The following PLEKHA5 variants were observed in gnomAD, a reference collection of about 807,000 sequenced individuals.
The protein encoded by PLEKHA5 is pleckstrin homology domain containing A5.
PLEKHA5 carries 55 observed loss-of-function variants against 181.9 expected under a neutral mutation model. The ratio of observed to expected loss-of-function variants is 0.30; its 90% CI spans 0.24 to 0.38. The LOEUF (loss-of-function observed/expected upper bound fraction) is 0.38, where lower values mean the gene tolerates loss of function less well. Among genes scored for constraint, PLEKHA5 ranks in the 10% least tolerant of loss-of-function variants. PLEKHA5 has a pLI of 1.00. For synonymous variants in PLEKHA5, 535 were observed against 529.4 expected (o/e 1.01, Z -0.15); for missense variants, 1,432 against 1,549.5 (o/e 0.92, Z 1.27).
intron 15 of PLEKHA5, among the ~76,000 whole-genome samples, chr12:19,309,362 G>GA (rs1182491810): frequency 8.1e-4 from 121 of 148,558 alleles, no homozygotes; most frequent in Middle Eastern, 3.4e-3. Flanking sequence ...CCATCTTAAA[G>GA]AAAAAAAAAA....
intron 15 of PLEKHA5, 71 bp downstream of exon 15, chr12:19,291,768 G>A (rs941097120): frequency 6.5e-6 from 5 of 773,062 alleles, no homozygotes; most frequent in Non-Finnish European, 1.0e-5. Flanking sequence ...AGTTTTTCAG[G>A]CTTCTCAGCT....
At chr12:19,170,329 A>G (rs1432552774) in intron 3 of PLEKHA5, among the ~76,000 whole-genome samples, 2 of 152,112 alleles carry the variant, frequency 1.3e-5, no homozygotes, top group African/African-American at 4.8e-5. Flanking sequence ...TTCCGCAGAT[A>G]TTTTGTGTAT....
intron 3 of PLEKHA5, among the ~76,000 whole-genome samples, chr12:19,240,440 GTT>G (rs199524525): frequency 8.6e-4 from 111 of 129,008 alleles, no homozygotes; most frequent in Middle Eastern, 4.0e-3. Context: ...TCATTAGGGA[GTT>G]TTTTTTTTTT....
At chr12:19,297,806 A>G (rs185303644) in intron 15 of PLEKHA5, among the ~76,000 whole-genome samples, 56 of 150,308 alleles carry the variant, frequency 3.7e-4, no homozygotes, top group African/African-American at 1.2e-3. Flanking sequence ...TTGGAGATCC[A>G]GTAGACTGGG....
At chr12:19,255,208 C>G in intron 5 of PLEKHA5, 43 bp downstream of exon 5, 1 of 1,348,088 alleles carries the variant, frequency 7.4e-7, no homozygotes, top group Non-Finnish European at 1.0e-6. Context: ...AAGGAGTAAA[C>G]AGTATCTATA....
intron 13 of PLEKHA5, among the ~76,000 whole-genome samples, chr12:19,289,487 T>C (rs1362441798): frequency 6.7e-6 from 1 of 148,288 alleles, no homozygotes; most frequent in Non-Finnish European, 1.5e-5. Flanking sequence ...TTTTTAAGAG[T>C]ACATTGCAGC....
At position 19,160,770 on chromosome 12, in the gene PLEKHA5, TA is replaced by T. The variant is rs538634100; in HGVS notation, c.227+28323del. Among the ~76,000 whole-genome samples, 569 of 152,250 alleles carry T rather than the reference TA, an allele frequency of 3.7e-3. 2 individuals carry two copies. Among genetic ancestry groups the T allele is most frequent in the Middle Eastern group, 0.01 (3 of 294 alleles). Reference sequence around the variant, plus strand: ...CTGATGAAACTTTTTTATATAATAATAAACAGTGCTGGGTCAATGTATGTTT... The same window carrying T: ...CTGATGAAACTTTTTTATATAATAATAACAGTGCTGGGTCAATGTATGTTT... On this transcript the variant is annotated intron_variant, in intron 3 of 31. Transcript: ENST00000429027.
intron 3 of PLEKHA5, among the ~76,000 whole-genome samples, chr12:19,244,764 C>T (rs190330566): frequency 7.2e-5 from 11 of 152,074 alleles, no homozygotes; most frequent in East Asian, 1.9e-4. Flanking sequence ...ACATTTTCAA[C>T]GATATTACCA....
chr12:19,306,888 A>G (rs1204915233), intron 15 of PLEKHA5: 2 of 805,708 alleles, frequency 2.5e-6, no homozygotes, highest in South Asian at 1.5e-5. Context: ...GATAAGGCTA[A>G]GGCTTGTCTC....
chr12:19,197,704 G>A (rs917521738), intron 3 of PLEKHA5, among the ~76,000 whole-genome samples: 1 of 148,790 alleles, frequency 6.7e-6, no homozygotes, highest in African/African-American at 2.5e-5. Flanking sequence ...GTGTGTGTGT[G>A]TGTGTGTGTG....
chr12:19,254,965 C>A, intron 4 of PLEKHA5, 80 bp from the exon 5 acceptor site: 2 of 1,219,172 alleles, frequency 1.6e-6, no homozygotes, highest in Non-Finnish European at 2.3e-6. Flanking sequence ...AGGACACTCG[C>A]ATTGTTAACT....
chr12:19,336,635 C>A lies in PLEKHA5; in HGVS notation c.2550+19C>A. On this transcript the variant is annotated intron_variant, in intron 21 of 31. Transcript: ENST00000429027. ...AGTTCAGGTACAAAAGTATAATATT[C>A]TTTATATTGTTTTAACTGTTTTTAC... is the stretch of plus-strand genomic sequence containing the variant. 2 of 1,368,410 alleles carry A rather than the reference C, an allele frequency of 1.5e-6. No individual in the cohort carries two copies. The highest frequency in any genetic ancestry group is 2.4e-5 in the South Asian group (2 of 84,504). The allele number at this position is 1,368,410 out of a possible 1,614,324, so 84.8% of individuals were successfully genotyped here. A position where few individuals can be genotyped will look rare whatever the true frequency, so the allele number is the denominator to read the frequency against.
intron 3 of PLEKHA5, among the ~76,000 whole-genome samples, chr12:19,247,897 A>T (rs1271994842): frequency 6.6e-6 from 1 of 151,874 alleles, no homozygotes; most frequent in African/African-American, 2.4e-5. Flanking sequence ...GCTTTTAAAA[A>T]AAAAATTAAC....
At chr12:19,282,782 CTT>C (rs757423120) in intron 11 of PLEKHA5, among the ~76,000 whole-genome samples, 18 of 152,026 alleles carry the variant, frequency 1.2e-4, no homozygotes, top group Non-Finnish European at 1.9e-4. Context: ...AACTAATAGT[CTT>C]TTGTGTAATT....
intron 28 of PLEKHA5, among the ~76,000 whole-genome samples, chr12:19,359,969 CAA>C (rs565963117): frequency 1.5e-5 from 2 of 133,530 alleles, no homozygotes. Flanking sequence ...GACTCCATCT[CAA>C]AAAAAAAAAG....
intron 30 of PLEKHA5, among the ~76,000 whole-genome samples, chr12:19,368,188 T>G (rs1475121166): frequency 6.6e-6 from 1 of 152,192 alleles, no homozygotes; most frequent in East Asian, 1.9e-4. Context: ...CCTTTGCCTC[T>G]GTCACTTACA....
At chr12:19,152,635 G>C (rs2040703412) in intron 3 of PLEKHA5, 1 of 152,066 alleles carries the variant, frequency 6.6e-6, no homozygotes, top group African/African-American at 2.4e-5. Context: ...TAAAATCTTT[G>C]AGTATGTTTT....
At chr12:19,341,408 T>G (rs773599228) in intron 21 of PLEKHA5, among the ~76,000 whole-genome samples, 1 of 152,244 alleles carries the variant, frequency 6.6e-6, no homozygotes, top group Non-Finnish European at 1.5e-5. Context: ...TATATATATC[T>G]TTTAAATTTT....
chr12:19,286,572 T>G (rs2077256159), intron 12 of PLEKHA5, among the ~76,000 whole-genome samples: 2 of 152,128 alleles, frequency 1.3e-5, no homozygotes, highest in African/African-American at 2.4e-5. Context: ...TTTGCAAAAC[T>G]GTAAAACAAT....
Sources: allele counts gnomAD v4.1 joint callset (sites outside exome capture counted in the v4.1 genomes callset), GRCh38; gene constraint gnomAD v4.1.1; transcripts MANE v1.5; gene names NCBI Gene and HGNC (gene_info 2026-07-23, HGNC 2026-07-21).